SLC14A2: variants seen among roughly 807,000 people sequenced by gnomAD.
SLC14A2 encodes urea transporter 2.
SLC14A2 carries 91 observed loss-of-function variants against 104.6 expected under a neutral mutation model. The ratio of observed to expected loss-of-function variants is 0.87; its 90% confidence interval spans 0.73 to 1.04. The LOEUF (loss-of-function observed/expected upper bound fraction) is 1.04. Among genes scored for constraint, SLC14A2 ranks in the 50% least tolerant of loss-of-function variants. The pLI is 0.00. For synonymous variants in SLC14A2, 476 were observed against 466.4 expected (o/e 1.02, Z -0.27); for missense variants, 1,189 against 1,156.0 (o/e 1.03, Z -0.41).
chr18:45,654,816 C>CCACA (rs886187647), intron 10 of SLC14A2, among the ~76,000 whole-genome samples: 3 of 152,176 alleles, frequency 2.0e-5, no homozygotes, highest in African/African-American at 7.2e-5. Flanking sequence ...TCCCTCACCA[C>CCACA]CACACACACC....
intron 1 of SLC14A2, among the ~76,000 whole-genome samples, chr18:45,296,204 A>G (rs1026829541): frequency 1.1e-4 from 16 of 152,186 alleles, no homozygotes. Context: ...AAACAAAGGT[A>G]AACAGATTAA....
chr18:45,279,103 C>A (rs16978322), intron 1 of SLC14A2, among the ~76,000 whole-genome samples: 3,941 of 152,256 alleles, frequency 0.026, 113 homozygotes, highest in East Asian at 0.087. Context: ...TTCTGCAGGC[C>A]ACATGGAGGG....
intron 1 of SLC14A2, among the ~76,000 whole-genome samples, chr18:45,354,199 C>T (rs1224874489): frequency 6.6e-6 from 1 of 152,192 alleles, no homozygotes; most frequent in African/African-American, 2.4e-5. Flanking sequence ...CTGATTCAAG[C>T]TTATCTAAGC....
At chr18:45,420,257 T>C (rs569673093) in intron 1 of SLC14A2, among the ~76,000 whole-genome samples, 6 of 152,374 alleles carry the variant, frequency 3.9e-5, no homozygotes, top group African/African-American at 1.4e-4. Context: ...GGTGGCTGGC[T>C]TCTCTCAGAG....
intron 7 of SLC14A2, 25 bp downstream of exon 7, chr18:45,639,918 G>C: frequency 6.2e-7 from 1 of 1,606,462 alleles, no homozygotes; most frequent in Non-Finnish European, 8.5e-7. Context: ...CCTCTCTTCA[G>C]GTCCTCAGGA....
rs574991675 is a variant in SLC14A2, at chr18:45,328,821, T to C, written c.-125+115630T>C. Among the ~76,000 whole-genome samples, 3 of 152,362 alleles carry C rather than the reference T, an allele frequency of 2.0e-5. No individual in the cohort carries two copies. In the South Asian group the frequency reaches 6.2e-4, roughly 32 times the overall value. ...CACATTGCAAATCTTGTTATTTTTCTTATAATACGTTCCAAACCCAAACAA... is the reference window on the plus strand; with the variant it reads ...CACATTGCAAATCTTGTTATTTTTCCTATAATACGTTCCAAACCCAAACAA... On this transcript the variant is annotated intron_variant, in intron 1 of 20. Transcript: ENST00000586448.
At chr18:45,417,067 T>C (rs1260472804) in intron 1 of SLC14A2, among the ~76,000 whole-genome samples, 1 of 152,196 alleles carries the variant, frequency 6.6e-6, no homozygotes, top group African/African-American at 2.4e-5. Flanking sequence ...CAGCTGGCTC[T>C]CTATCATAGG....
At chr18:45,508,122 G>A (rs921911398) in intron 2 of SLC14A2, among the ~76,000 whole-genome samples, 7 of 152,346 alleles carry the variant, frequency 4.6e-5, no homozygotes, top group Admixed American at 2.0e-4. Flanking sequence ...CTGAAAAATT[G>A]TTCTGCGTAG....
intron 1 of SLC14A2, among the ~76,000 whole-genome samples, chr18:45,277,608 C>T (rs981572161): frequency 3.9e-5 from 6 of 152,062 alleles, no homozygotes; most frequent in African/African-American, 1.4e-4. Flanking sequence ...AGGGTCTTGC[C>T]ATGTTGCTCA....
chr18:45,334,378 A>G (rs2085318157), intron 1 of SLC14A2, among the ~76,000 whole-genome samples: 1 of 152,228 alleles, frequency 6.6e-6, no homozygotes, highest in Non-Finnish European at 1.5e-5. Flanking sequence ...CACATGTTTC[A>G]GTTCATGTGA....
At chr18:45,419,593 G>A (rs1485777532) in intron 1 of SLC14A2, among the ~76,000 whole-genome samples, 2 of 152,160 alleles carry the variant, frequency 1.3e-5, no homozygotes, top group African/African-American at 2.4e-5. Flanking sequence ...GGCCAATGTG[G>A]TGAAACCCCA....
intron 1 of SLC14A2, among the ~76,000 whole-genome samples, chr18:45,480,956 C>G (rs2087480921): frequency 6.6e-6 from 1 of 151,930 alleles, no homozygotes; most frequent in Non-Finnish European, 1.5e-5. Context: ...TTAAGACTCA[C>G]TAAGAAAATG....
At chr18:45,206,342 T>C in the SLC14A2 span, among the ~76,000 whole-genome samples, 1 of 152,092 alleles carries the variant, frequency 6.6e-6, no homozygotes, top group South Asian at 2.1e-4. Context: ...TCCTTTTTCA[T>C]TTGTGACATG....
intron 2 of SLC14A2, among the ~76,000 whole-genome samples, chr18:45,503,239 T>C (rs147068916): frequency 6.6e-6 from 1 of 152,294 alleles, no homozygotes; most frequent in Non-Finnish European, 1.5e-5. Context: ...GTCTAAGCCC[T>C]GGGATTTTTA....
At chr18:45,194,237 A>G in the SLC14A2 span, among the ~76,000 whole-genome samples, 1 of 152,178 alleles carries the variant, frequency 6.6e-6, no homozygotes, top group African/African-American at 2.4e-5. Context: ...TATAATGCTG[A>G]CTAGAAGTGA....
chr18:45,387,601 A>T (rs2085912196), intron 1 of SLC14A2, among the ~76,000 whole-genome samples: 1 of 151,518 alleles, frequency 6.6e-6, no homozygotes, highest in Non-Finnish European at 1.5e-5. Context: ...TGAAATACAT[A>T]TCCAGATCAA....
At chr18:45,267,251 G>A (rs1312268282) in intron 1 of SLC14A2, among the ~76,000 whole-genome samples, 1 of 152,124 alleles carries the variant, frequency 6.6e-6, no homozygotes, top group Non-Finnish European at 1.5e-5. Context: ...TCCTCATGCA[G>A]CTGATAGGAG....
At chr18:45,594,337 T>C (rs1419744824) in intron 2 of SLC14A2, among the ~76,000 whole-genome samples, 2 of 152,172 alleles carry the variant, frequency 1.3e-5, no homozygotes, top group Non-Finnish European at 2.9e-5. Flanking sequence ...GGACATTAGA[T>C]GTGAGGTTCA....
At chr18:45,430,541 GTTATTTTATT>G (rs10531956) in intron 1 of SLC14A2, among the ~76,000 whole-genome samples, 34,225 of 151,096 alleles carry the variant, frequency 0.23, 4,207 homozygotes, top group South Asian at 0.39. Context: ...TGGAAGGGAA[GTTATTTTATT>G]TTATTTTATT....
Sources: allele counts gnomAD v4.1 joint callset (sites outside exome capture counted in the v4.1 genomes callset), GRCh38; gene constraint gnomAD v4.1.1; transcripts MANE v1.5; gene names NCBI Gene and HGNC (gene_info 2026-07-23, HGNC 2026-07-21).